The following LAMA4 variants were observed in gnomAD, a reference collection of about 807,000 sequenced individuals.
LAMA4 encodes laminin subunit alpha 4, also known as laminin subunit alpha-4.
A neutral mutation model predicts 207.1 loss-of-function variants in LAMA4; 127 were observed. That is an observed-to-expected ratio of 0.61 (90% confidence interval 0.53 to 0.71). The LOEUF (loss-of-function observed/expected upper bound fraction) is 0.71. Among genes scored for constraint, LAMA4 ranks in the 30% least tolerant of loss-of-function variants. LAMA4 has a pLI of 0.00. For missense variants in LAMA4, 2,093 were observed against 2,246.5 expected (o/e 0.93, Z 1.38); for synonymous variants, 761 against 816.0 (o/e 0.93, Z 1.15).
At chr6:112,139,911 C>G in intron 22 of LAMA4, 26 bp from the exon 23 acceptor site, 1 of 1,612,948 alleles carries the variant, frequency 6.2e-7, no homozygotes, top group Middle Eastern at 1.7e-4. Context: ...AGTAAAACCA[C>G]TTGTCTCATG....
At chr6:112,191,588 G>A (rs1554349015) in intron 6 of LAMA4, 48 bp downstream of exon 6, 2 of 1,352,488 alleles carry the variant, frequency 1.5e-6, no homozygotes, top group Admixed American at 1.7e-5. Context: ...AGTATTGGCA[G>A]AGGGTCATGC....
intron 16 of LAMA4, among the ~76,000 whole-genome samples, chr6:112,154,477 A>T (rs2114774192): frequency 6.6e-6 from 1 of 152,260 alleles, no homozygotes; most frequent in East Asian, 1.9e-4. Flanking sequence ...GGACTTCGAA[A>T]TTGTTCAAGA....
chr6:112,157,063 C>T (rs1780762325), intron 14 of LAMA4, among the ~76,000 whole-genome samples: 1 of 152,048 alleles, frequency 6.6e-6, no homozygotes, highest in African/African-American at 2.4e-5. Context: ...TGTCTAGGGC[C>T]TATAGAAGTC....
intron 17 of LAMA4, 78 bp from the exon 18 acceptor site, chr6:112,148,414 C>T (rs1341845920): frequency 6.8e-7 from 1 of 1,474,048 alleles, no homozygotes; most frequent in East Asian, 2.3e-5. Context: ...CCCTTTAACC[C>T]TTGAATGAAA....
At position 112,155,088 on chromosome 6, in the gene LAMA4, A is replaced by T. The variant is rs1160232587; in HGVS notation, c.1960-141T>A. 4 of 718,874 alleles carry T rather than the reference A, an allele frequency of 5.6e-6. No individual in the cohort carries two copies. In the East Asian group the frequency reaches 1.0e-4, roughly 19 times the overall value. 44.5% of individuals were successfully genotyped at this position (718,874 alleles called of 1,614,324 possible). ...GCTTTATTTTCACAGCTTAAAATTA[A>T]GGTCAAATATGTGACCATGAGGAAG... On this transcript the variant is annotated intron_variant, in intron 15 of 38. Transcript: ENST00000230538.
intron 2 of LAMA4, among the ~76,000 whole-genome samples, chr6:112,247,420 C>T (rs1554188872): frequency 6.6e-6 from 1 of 152,178 alleles, no homozygotes; most frequent in African/African-American, 2.4e-5. Context: ...TAGGCTGAAT[C>T]TGGCCCTCAG....
At chr6:112,149,640 AC>A (rs1266108261) in intron 17 of LAMA4, among the ~76,000 whole-genome samples, 1 of 151,756 alleles carries the variant, frequency 6.6e-6, no homozygotes, top group Non-Finnish European at 1.5e-5. Flanking sequence ...AGTCAATTAA[AC>A]CTCTTTTCTT....
intron 13 of LAMA4, among the ~76,000 whole-genome samples, chr6:112,164,857 GCACAATGCTTGTGC>G (rs1358240194): frequency 6.6e-6 from 1 of 152,192 alleles, no homozygotes. Flanking sequence ...GCCTGTTTCT[GCACAATGCTTGTGC>G]CACTGAATAT....
intron 16 of LAMA4, among the ~76,000 whole-genome samples, chr6:112,152,995 T>A (rs1780488205): frequency 6.6e-6 from 1 of 151,952 alleles, no homozygotes; most frequent in South Asian, 2.1e-4. Context: ...AGGAAGAAAA[T>A]CAATTTTGGG....
In LAMA4 at chr6:112,134,618, G is replaced by A. The variant is rs782551665; in HGVS notation, c.3415-9C>T. On this transcript the variant is annotated splice_polypyrimidine_tract_variant and intron_variant, in intron 25 of 38. Transcript: ENST00000230538. ...TGGTAAATGATTGAGATCTGGGAGA[G>A]ATAATATATAGTAAGCCTTGATTAA... 34 of 1,595,730 alleles carry A rather than the reference G, an allele frequency of 2.1e-5. 1 individual carries two copies. The highest frequency in any genetic ancestry group is 1.8e-4 in the East Asian group (8 of 44,770).
chr6:112,150,414 T>A (rs782763272), intron 17 of LAMA4, 97 bp downstream of exon 17: 1 of 834,684 alleles, frequency 1.2e-6, no homozygotes, highest in Admixed American at 1.7e-5. Flanking sequence ...ATGTATAAAA[T>A]CATTGACAAA....
chr6:112,140,573 T>A (rs1281696788), intron 22 of LAMA4, among the ~76,000 whole-genome samples, 187 bp downstream of exon 22: 2 of 152,196 alleles, frequency 1.3e-5, no homozygotes, highest in Non-Finnish European at 2.9e-5. Context: ...TTTGACATTA[T>A]GAAAATATGA....
intron 24 of LAMA4, among the ~76,000 whole-genome samples, chr6:112,136,660 C>G (rs1359916287): frequency 6.7e-6 from 1 of 148,478 alleles, no homozygotes; most frequent in Non-Finnish European, 1.5e-5. Flanking sequence ...ACACTGCACT[C>G]CAGCCTGGGC....
chr6:112,123,914 A>G (rs1186024941), intron 31 of LAMA4, among the ~76,000 whole-genome samples: 1 of 152,146 alleles, frequency 6.6e-6, no homozygotes, highest in African/African-American at 2.4e-5. Flanking sequence ...AGCTACCAAT[A>G]CTTTTTGGTC....
intron 25 of LAMA4, among the ~76,000 whole-genome samples, 197 bp from the exon 26 acceptor site, chr6:112,134,806 AC>A (rs1403692013): frequency 6.6e-6 from 1 of 152,154 alleles, no homozygotes. Context: ...GCAGCAGTTC[AC>A]ACTTTCTGGG....
chr6:112,155,834 G>C (rs1404969833), intron 14 of LAMA4, 128 bp from the exon 15 acceptor site: 6 of 1,085,420 alleles, frequency 5.5e-6, no homozygotes, highest in Non-Finnish European at 8.3e-6. Flanking sequence ...AAGTCACCTA[G>C]TGTGGCAAGG....
At chr6:112,235,506 A>G (rs1554365748) in intron 2 of LAMA4, among the ~76,000 whole-genome samples, 1 of 152,082 alleles carries the variant, frequency 6.6e-6, no homozygotes, top group African/African-American at 2.4e-5. Flanking sequence ...TTTCTTCATT[A>G]ATTTCTCACA....
Position 112,118,446 on chromosome 6 carries a change from T to G in LAMA4, c.4822-548A>C, listed in dbSNP as rs1554324771. ...ATTGCCATGGAATTGGGGCTGCTTA[T>G]CTAAAATCTAATTATAATGTAAACC... On this transcript the variant is annotated intron_variant, in intron 34 of 38. Coordinates refer to ENST00000230538, the MANE Select transcript of LAMA4 (RefSeq NM_001105206.3). This position sits in a 1 kb window ranked among gnomAD's most constrained non-coding sequence, Gnocchi z 4.6. Among the ~76,000 whole-genome samples the G allele has an allele frequency of 6.6e-6, 1 of 152,204 alleles. No homozygotes were observed. Among genetic ancestry groups the G allele is most frequent in the Non-Finnish European group, 1.5e-5 (1 of 68,034 alleles).
intron 13 of LAMA4, among the ~76,000 whole-genome samples, chr6:112,160,545 T>C (rs1780993876): frequency 6.6e-6 from 1 of 152,214 alleles, no homozygotes; most frequent in Non-Finnish European, 1.5e-5. Flanking sequence ...GAAATGTTTC[T>C]TGCCAAGATC....
Sources: allele counts gnomAD v4.1 joint callset (sites outside exome capture counted in the v4.1 genomes callset), GRCh38; gene constraint gnomAD v4.1.1; non-coding constraint Gnocchi (gnomAD v3.1); transcripts MANE v1.5; gene names NCBI Gene and HGNC (gene_info 2026-07-23, HGNC 2026-07-21).